The following GPHN variants were observed in gnomAD, a reference collection of about 807,000 sequenced individuals.
GPHN encodes the protein gephyrin.
In GPHN, 17 loss-of-function variants were observed where a neutral mutation model predicts 95.5. The ratio of observed to expected loss-of-function variants is 0.18; its 90% CI spans 0.12 to 0.27. The LOEUF (loss-of-function observed/expected upper bound fraction) is 0.27. GPHN is among the 10% of genes least tolerant of loss of function. The pLI is 1.00. For synonymous variants in GPHN, 320 were observed against 322.5 expected (o/e 0.99, Z 0.08); for missense variants, 660 against 978.1 (o/e 0.67, Z 4.34).
intron 17 of GPHN, among the ~76,000 whole-genome samples, chr14:67,131,677 TA>T (rs2079722891): frequency 2.6e-5 from 4 of 152,194 alleles, no homozygotes; most frequent in Admixed American, 2.6e-4. Context: ...CAAATAGATT[TA>T]GCAGGCTTTT....
At position 67,111,848 on chromosome 14, in the gene GPHN, G is replaced by A. The variant is rs771237421; in HGVS notation, c.1414-13G>A. 1 of 1,606,388 alleles carries A rather than the reference G, an allele frequency of 6.2e-7. No homozygotes were observed. The highest frequency in any genetic ancestry group is 2.2e-5 in the East Asian group (1 of 44,830). On this transcript the variant is annotated splice_polypyrimidine_tract_variant and intron_variant, in intron 14 of 22. Transcript: ENST00000478722. ...AATTCTGTTTGAAATTACATGACCG[G>A]CTGTTATTATAGGGCACTGAAGAAC... is the stretch of plus-strand genomic sequence containing the variant.
chr14:67,546,878 AT>A, the GPHN span, among the ~76,000 whole-genome samples: 1 of 151,848 alleles, frequency 6.6e-6, no homozygotes, highest in Non-Finnish European at 1.5e-5. Context: ...ATATATATAT[AT>A]TTTTTCTCTA....
At chr14:67,613,664 C>G in the GPHN span, 2 of 219,770 alleles carry the variant, frequency 9.1e-6, no homozygotes, top group Non-Finnish European at 2.0e-5. Flanking sequence ...TTATCAATGC[C>G]AAGTGTGCAC....
At chr14:66,776,616 A>G in intron 3 of GPHN, 95 bp downstream of exon 3, 1 of 790,002 alleles carries the variant, frequency 1.3e-6, no homozygotes, top group Non-Finnish European at 2.3e-6. Flanking sequence ...ATATTTGGCT[A>G]TGTTAGAATA....
chr14:66,601,313 C>T (rs866267341), intron 1 of GPHN, among the ~76,000 whole-genome samples: 1 of 151,902 alleles, frequency 6.6e-6, no homozygotes, highest in African/African-American at 2.4e-5. Context: ...TTGGAGACCA[C>T]GGAAAGGCTT....
rs144453702 is a variant in GPHN, at chr14:66,564,842, A to G, written c.64+56251A>G. Reference sequence around the variant, plus strand: ...TTCAGTGTGTCATACACACCCTACTATCAAATAATATTATCATTAAGCCTC... The same window carrying G: ...TTCAGTGTGTCATACACACCCTACTGTCAAATAATATTATCATTAAGCCTC... On this transcript the variant is annotated intron_variant, in intron 1 of 22. Transcript: ENST00000478722. 1.2e-4 allele frequency among the ~76,000 whole-genome samples: 18 copies of G among 152,272 alleles called. No individual in the cohort carries two copies. In the East Asian group the frequency reaches 3.3e-3, roughly 28 times the overall value.
chr14:66,809,194 T>C (rs918220012), intron 3 of GPHN, among the ~76,000 whole-genome samples: 3 of 152,146 alleles, frequency 2.0e-5, no homozygotes, highest in African/African-American at 7.2e-5. Flanking sequence ...GACCACTTAG[T>C]GTGCTTTATA....
At chr14:67,154,255 G>T (rs1051204345) in intron 18 of GPHN, among the ~76,000 whole-genome samples, 1 of 152,158 alleles carries the variant, frequency 6.6e-6, no homozygotes, top group African/African-American at 2.4e-5. Context: ...TCACATGCTT[G>T]AATCCTTCTT....
At chr14:67,392,293 T>G in the GPHN span, 1 of 1,341,072 alleles carries the variant, frequency 7.5e-7, no homozygotes, top group South Asian at 1.2e-5. Flanking sequence ...TTGAGAACTG[T>G]CCATCTCTCT....
intron 21 of GPHN, among the ~76,000 whole-genome samples, chr14:67,170,949 T>C (rs1346574452): frequency 6.6e-6 from 1 of 152,244 alleles, no homozygotes; most frequent in Non-Finnish European, 1.5e-5. Context: ...GTCATTGCCT[T>C]TACCAATGCT....
At chr14:67,056,564 C>A (rs1223183881) in intron 10 of GPHN, among the ~76,000 whole-genome samples, 2 of 150,446 alleles carry the variant, frequency 1.3e-5, no homozygotes, top group Non-Finnish European at 3.0e-5. Context: ...ATCCACAAAC[C>A]CGAGCTAGAC....
chr14:66,574,902 T>G (rs10133814), intron 1 of GPHN, among the ~76,000 whole-genome samples: 47,867 of 152,112 alleles, frequency 0.31, 11,530 homozygotes, highest in African/African-American at 0.65. Flanking sequence ...CCCTGTCCTA[T>G]GTTTTCAGGC....
chr14:67,442,429 T>TGC, the GPHN span, among the ~76,000 whole-genome samples: 8 of 151,998 alleles, frequency 5.3e-5, no homozygotes, highest in African/African-American at 1.9e-4. Context: ...ATAGAAAAAT[T>TGC]GTGTGTGTGT....
chr14:66,816,078 G>A (rs1174346637), intron 3 of GPHN, among the ~76,000 whole-genome samples: 1 of 152,102 alleles, frequency 6.6e-6, no homozygotes, highest in East Asian at 1.9e-4. Flanking sequence ...ATTAGGTAAT[G>A]GTAAAAGGTT....
At chr14:66,696,578 T>C (rs1421383317) in intron 2 of GPHN, among the ~76,000 whole-genome samples, 1 of 152,208 alleles carries the variant, frequency 6.6e-6, no homozygotes, top group Non-Finnish European at 1.5e-5. Flanking sequence ...GTAGAAACCA[T>C]ACCAAGTCAG....
At chr14:67,719,410 T>C in the GPHN span, among the ~76,000 whole-genome samples, 38 of 152,224 alleles carry the variant, frequency 2.5e-4, no homozygotes, top group Admixed American at 2.5e-3. Context: ...AGCAGTTCAT[T>C]TGGAAGCCTG....
chr14:66,595,732 C>T (rs2061945608), intron 1 of GPHN, among the ~76,000 whole-genome samples: 1 of 152,206 alleles, frequency 6.6e-6, no homozygotes, highest in Admixed American at 6.5e-5. Flanking sequence ...GAGGGTGTCA[C>T]AGCTCTGGCT....
At chr14:66,576,244 G>A (rs979227073) in intron 1 of GPHN, among the ~76,000 whole-genome samples, 2 of 152,146 alleles carry the variant, frequency 1.3e-5, no homozygotes, top group African/African-American at 2.4e-5. Context: ...GGAGGCTGGG[G>A]CCACAGGAGC....
chr14:67,380,930 C>T, the GPHN span, among the ~76,000 whole-genome samples: 1 of 152,128 alleles, frequency 6.6e-6, no homozygotes, highest in African/African-American at 2.4e-5. Flanking sequence ...GCTTCTGAAT[C>T]ATAAAATTTA....
Sources: allele counts gnomAD v4.1 joint callset (sites outside exome capture counted in the v4.1 genomes callset), GRCh38; gene constraint gnomAD v4.1.1; transcripts MANE v1.5; gene names NCBI Gene and HGNC (gene_info 2026-07-23, HGNC 2026-07-21).